PRSS23: variants seen among roughly 807,000 people sequenced by gnomAD.
PRSS23 encodes protease, serine 23.
A neutral mutation model predicts 34.7 loss-of-function variants in PRSS23; 25 were observed. The observed-to-expected ratio is 0.72, with a 90% CI of 0.53 to 1.01. The LOEUF (loss-of-function observed/expected upper bound fraction) is 1.01, where lower values mean the gene tolerates loss of function less well. Among genes scored for constraint, PRSS23 ranks in the 50% least tolerant of loss-of-function variants. The pLI, the probability that PRSS23 is intolerant of heterozygous loss-of-function variation, is 0.00. For missense variants in PRSS23, 445 were observed against 475.6 expected, an observed-to-expected ratio of 0.94 and a Z score of 0.60; for synonymous variants, 176 against 186.6, an observed-to-expected ratio of 0.94 and a Z score of 0.46.
intron 2 of PRSS23, among the ~76,000 whole-genome samples, chr11:86,924,530 G>A (rs1949068168): frequency 6.6e-6 from 1 of 152,214 alleles, no homozygotes; most frequent in African/African-American, 2.4e-5. Context: ...ACTGGAAAAT[G>A]CGAACTGGAC....
intron 2 of PRSS23, among the ~76,000 whole-genome samples, chr11:86,895,481 T>TA (rs1436332508): frequency 2.2e-5 from 3 of 138,534 alleles, no homozygotes; most frequent in African/African-American, 8.0e-5. Flanking sequence ...TTTATCCTTT[T>TA]TTTTTTTTTT....
At chr11:86,916,589 G>T (rs1025956759) in intron 2 of PRSS23, among the ~76,000 whole-genome samples, 1 of 152,190 alleles carries the variant, frequency 6.6e-6, no homozygotes, top group Non-Finnish European at 1.5e-5. Context: ...AAGATGGTTA[G>T]TGGAAAGAGA....
chr11:86,860,194 C>G (rs1326946055), intron 2 of PRSS23, among the ~76,000 whole-genome samples: 1 of 151,844 alleles, frequency 6.6e-6, no homozygotes, highest in African/African-American at 2.4e-5. Context: ...AGATATTACT[C>G]CAAATATCTC....
chr11:86,887,631 A>G (rs147639855), intron 2 of PRSS23, among the ~76,000 whole-genome samples: 14 of 152,338 alleles, frequency 9.2e-5, no homozygotes, highest in African/African-American at 2.9e-4. Flanking sequence ...ATCACATTCA[A>G]TTCCACACAT....
At chr11:86,948,050 T>C (rs751521500) in intron 2 of PRSS23, 1 of 151,526 alleles carries the variant, frequency 6.6e-6, no homozygotes, top group Non-Finnish European at 1.5e-5. Flanking sequence ...TGTGGCCTAC[T>C]CTCATAGTCT....
intron 2 of PRSS23, among the ~76,000 whole-genome samples, chr11:86,871,465 A>G (rs182868587): frequency 5.2e-4 from 79 of 152,258 alleles, no homozygotes; most frequent in Non-Finnish European, 8.5e-4. Context: ...TTCTCTCTGC[A>G]TATTTTTAAA....
intron 2 of PRSS23, among the ~76,000 whole-genome samples, chr11:86,945,342 C>A: frequency 6.9e-6 from 1 of 145,160 alleles, no homozygotes. Context: ...AAGGCAAAGA[C>A]AGCCATATGC....
At chr11:86,802,917 A>G (rs1396415375) in intron 1 of PRSS23, among the ~76,000 whole-genome samples, 1 of 152,242 alleles carries the variant, frequency 6.6e-6, no homozygotes, top group African/African-American at 2.4e-5. Context: ...CTCAAAAAGT[A>G]TAAATATTTT....
intron 2 of PRSS23, among the ~76,000 whole-genome samples, chr11:86,863,984 T>A (rs1230238388): frequency 1.3e-5 from 2 of 152,220 alleles, no homozygotes; most frequent in Non-Finnish European, 2.9e-5. Flanking sequence ...ATGACGAGTT[T>A]TTAAAATGTG....
intron 2 of PRSS23, among the ~76,000 whole-genome samples, chr11:86,852,953 A>G (rs1948541126): frequency 6.6e-6 from 1 of 152,136 alleles, no homozygotes; most frequent in Admixed American, 6.6e-5. Flanking sequence ...TCGTGGGTTC[A>G]AGCGATTCTT....
chr11:86,923,780 A>G (rs1215392979), intron 2 of PRSS23, among the ~76,000 whole-genome samples: 1 of 152,238 alleles, frequency 6.6e-6, no homozygotes, highest in Non-Finnish European at 1.5e-5. Context: ...GAAGACCCAC[A>G]GAAGTTAAGA....
At chr11:86,823,443 C>T (rs372598181) in exon 2 of PRSS23, 2 of 702,394 alleles carry the variant, frequency 2.8e-6, no homozygotes, top group Admixed American at 2.0e-5. Context: ...GCCCCCACAA[C>T]TGTGAAGCGA....
intron 2 of PRSS23, among the ~76,000 whole-genome samples, chr11:86,930,680 C>T (rs1394588566): frequency 6.6e-6 from 1 of 151,662 alleles, no homozygotes; most frequent in East Asian, 1.9e-4. Flanking sequence ...GTCCTAGCTG[C>T]TGGGGAGGCT....
At chr11:86,848,267 GA>G (rs893062173) in intron 2 of PRSS23, among the ~76,000 whole-genome samples, 5 of 151,962 alleles carry the variant, frequency 3.3e-5, no homozygotes, top group Non-Finnish European at 5.9e-5. Flanking sequence ...AAGTCCTACT[GA>G]AAAAAAAGCA....
intron 2 of PRSS23, chr11:86,833,044 G>T (rs944036895): frequency 1.5e-5 from 7 of 482,322 alleles, no homozygotes; most frequent in African/African-American, 2.0e-5. Context: ...CAGAAACATG[G>T]GTTCATGATG....
At chr11:86,815,672 G>C (rs1245630030), downstream of PRSS23, among the ~76,000 whole-genome samples, 1 of 152,184 alleles carries the variant, frequency 6.6e-6, no homozygotes, top group Non-Finnish European at 1.5e-5. Flanking sequence ...GCTGAGTTCT[G>C]TTCTTCTGTG....
chr11:86,943,469 C>A (rs1306312191), intron 2 of PRSS23, among the ~76,000 whole-genome samples: 1 of 151,842 alleles, frequency 6.6e-6, no homozygotes, highest in Non-Finnish European at 1.5e-5. Context: ...CACAAACATA[C>A]AAAAATTAGT....
At chr11:86,862,325 C>A (rs1017131676) in intron 2 of PRSS23, among the ~76,000 whole-genome samples, 1 of 151,532 alleles carries the variant, frequency 6.6e-6, no homozygotes, top group Non-Finnish European at 1.5e-5. Flanking sequence ...TTATTTGTAT[C>A]ATTTTTAGGG....
intron 2 of PRSS23, among the ~76,000 whole-genome samples, chr11:86,897,540 A>G (rs1182971600): frequency 6.6e-6 from 1 of 152,172 alleles, no homozygotes; most frequent in African/African-American, 2.4e-5. Flanking sequence ...TGGCATAATC[A>G]TATCTCACTG....
Sources: gnomAD v4.1 joint callset for allele counts (sites outside exome capture counted in the v4.1 genomes callset) on GRCh38, gnomAD v4.1.1 for gene constraint, MANE v1.5 for transcripts, NCBI Gene and HGNC (gene_info 2026-07-23, HGNC 2026-07-21) for gene names.